SLC9D1: variants seen among roughly 807,000 people sequenced by gnomAD.
SLC9D1 encodes the protein putative LAG1-interacting protein.
At chr13:113,534,023 A>T in the SLC9D1 span, 6 of 1,559,058 alleles carry the variant, frequency 3.8e-6, no homozygotes, top group South Asian at 7.2e-5. Context: ...AAGTGAAATC[A>T]CGTCTCTTTT....
At chr13:113,494,660 A>G in the SLC9D1 span, among the ~76,000 whole-genome samples, 9 of 151,916 alleles carry the variant, frequency 5.9e-5, no homozygotes, top group African/African-American at 2.2e-4. Context: ...TGTGGCATAT[A>G]TATATATATA....
At chr13:113,534,145 A>G in the SLC9D1 span, 2 of 1,613,084 alleles carry the variant, frequency 1.2e-6, no homozygotes, top group African/African-American at 1.3e-5. Flanking sequence ...GAAGTATCTC[A>G]TTGGACCCTA....
At chr13:113,494,620 G>A in the SLC9D1 span, among the ~76,000 whole-genome samples, 2,155 of 151,874 alleles carry the variant, frequency 0.014, 48 homozygotes, top group African/African-American at 0.05. Flanking sequence ...GAATTGGGAT[G>A]ATAACAAAAA....
At chr13:113,538,847 GT>G in the SLC9D1 span, among the ~76,000 whole-genome samples, 6 of 152,228 alleles carry the variant, frequency 3.9e-5, no homozygotes, top group Admixed American at 6.5e-5. Flanking sequence ...TGTCGCGGCC[GT>G]CCGGCCGGCG....
the SLC9D1 span, among the ~76,000 whole-genome samples, chr13:113,502,131 A>G: frequency 3.3e-5 from 5 of 152,220 alleles, no homozygotes; most frequent in Admixed American, 6.5e-5. Context: ...CTCCATTTCC[A>G]GTAACGTGCT....
chr13:113,549,388 C>T, the SLC9D1 span: 2 of 1,608,480 alleles, frequency 1.2e-6, no homozygotes, highest in South Asian at 1.1e-5. Flanking sequence ...CTAGTCCTGA[C>T]AGTCTCTGTG....
At chr13:113,529,033 G>A in the SLC9D1 span, 1 of 152,196 alleles carries the variant, frequency 6.6e-6, no homozygotes, top group African/African-American at 2.4e-5. Context: ...AGACTGCAGG[G>A]CATTTGTAAA....
the SLC9D1 span, chr13:113,520,620 C>T: frequency 6.2e-7 from 1 of 1,610,710 alleles, no homozygotes; most frequent in Non-Finnish European, 8.5e-7. Context: ...CCACAGGCGA[C>T]ATTGACTACA....
At chr13:113,534,039 TCCCAGCA>T in the SLC9D1 span, 1 of 1,582,504 alleles carries the variant, frequency 6.3e-7, no homozygotes, top group Admixed American at 1.9e-5. Context: ...CTTTTTTCTT[TCCCAGCA>T]TTGTCGTGGA....
At chr13:113,493,848 G>A in the SLC9D1 span, among the ~76,000 whole-genome samples, 2 of 152,180 alleles carry the variant, frequency 1.3e-5, no homozygotes, top group African/African-American at 4.8e-5. Context: ...GCAGACAGTC[G>A]CTGAGCCTTC....
the SLC9D1 span, chr13:113,498,527 C>T: frequency 2.6e-6 from 4 of 1,565,970 alleles, no homozygotes; most frequent in East Asian, 2.4e-5. Flanking sequence ...AATCAGTAAG[C>T]GTTCCAGAAC....
At chr13:113,520,626 C>T in the SLC9D1 span, 3 of 1,613,380 alleles carry the variant, frequency 1.9e-6, no homozygotes, top group South Asian at 3.3e-5. Flanking sequence ...GCGACATTGA[C>T]TACAGCACCG....
At chr13:113,537,850 C>G in the SLC9D1 span, among the ~76,000 whole-genome samples, 1 of 152,316 alleles carries the variant, frequency 6.6e-6, no homozygotes, top group South Asian at 2.1e-4. Flanking sequence ...ACCTCCTTCC[C>G]CCCTTCTATA....
At chr13:113,515,198 C>T in the SLC9D1 span, among the ~76,000 whole-genome samples, 1 of 152,166 alleles carries the variant, frequency 6.6e-6, no homozygotes, top group East Asian at 1.9e-4. Context: ...TTCAAAACAG[C>T]ATTATTTTTA....
chr13:113,498,768 G>C, the SLC9D1 span: 335 of 365,018 alleles, frequency 9.2e-4, 5 homozygotes, highest in South Asian at 1.0e-2. Flanking sequence ...GCATTTTCCA[G>C]AGGCCAGATG....
the SLC9D1 span, chr13:113,501,790 CTGG>C: frequency 6.2e-7 from 1 of 1,609,524 alleles, no homozygotes. Flanking sequence ...TGCCTTGTGG[CTGG>C]CTATGTACAG....
At chr13:113,537,488 G>A in the SLC9D1 span, among the ~76,000 whole-genome samples, 1 of 152,208 alleles carries the variant, frequency 6.6e-6, no homozygotes, top group Non-Finnish European at 1.5e-5. Flanking sequence ...CCTTTTTATG[G>A]CTGAAAAACA....
chr13:113,540,512 A>G, the SLC9D1 span, among the ~76,000 whole-genome samples: 2 of 152,180 alleles, frequency 1.3e-5, no homozygotes, highest in Non-Finnish European at 2.9e-5. Flanking sequence ...GTTTCCACAT[A>G]CGTGTTGTGT....
chr13:113,543,095 CA>C, the SLC9D1 span, among the ~76,000 whole-genome samples: 1 of 113,576 alleles, frequency 8.8e-6, no homozygotes, highest in Non-Finnish European at 1.9e-5. Flanking sequence ...CTGTGACCCC[CA>C]CCTCCTCCCC....
Sources: allele counts gnomAD v4.1 joint callset (sites outside exome capture counted in the v4.1 genomes callset), GRCh38; gene constraint gnomAD v4.1.1; transcripts MANE v1.5; gene names NCBI Gene and HGNC (gene_info 2026-07-23, HGNC 2026-07-21).